PYHIN1: variants seen among roughly 807,000 people sequenced by gnomAD.
PYHIN1 encodes pyrin and HIN domain family member 1.
A neutral mutation model predicts 43.7 loss-of-function variants in PYHIN1; 32 were observed. The observed-to-expected ratio is 0.73, with a 90% CI of 0.55 to 0.98. The LOEUF (loss-of-function observed/expected upper bound fraction) is 0.98. Ranked by LOEUF, PYHIN1 falls within the 50% of genes least tolerant of loss-of-function variation. The probability of loss-of-function intolerance (pLI) is 0.00; values close to 1 mark genes in which losing one functional copy is unlikely to be tolerated. For missense variants in PYHIN1, 588 were observed against 589.5 expected, an observed-to-expected ratio of 1.00 and a Z score of 0.03; for synonymous variants, 205 against 203.1, an observed-to-expected ratio of 1.01 and a Z score of -0.08.
chr1:158,947,926 A>G (rs1475591130), intron 7 of PYHIN1, among the ~76,000 whole-genome samples: 2 of 152,248 alleles, frequency 1.3e-5, no homozygotes, highest in Non-Finnish European at 2.9e-5. Context: ...GGTAAGGATT[A>G]GGCTGCTTTC....
At position 158,939,109 on chromosome 1, in the gene PYHIN1, T is replaced by C. The variant is rs1571723020; in HGVS notation, c.441T>C (p.Thr147=). ...GAAAAAAACCATCTGAAGAAGAGAC[T>C]GGAACCAAAAGGAGTAAGATGTCCA... ...QKRKKPSEEE[T]GTKRSKMSKE... The change falls in exon 4 of 9, where the codon ACT becomes ACC. Residue 147 remains threonine, a synonymous_variant. Coordinates refer to ENST00000368140, the MANE Select transcript of PYHIN1 (RefSeq NM_152501.5). 1.2e-6 allele frequency: 2 copies of C among 1,602,626 alleles called. No individual in the cohort carries two copies. Among genetic ancestry groups the C allele is most frequent in the East Asian group, 2.2e-5 (1 of 44,812 alleles).
At chr1:158,988,323 T>A in the PYHIN1 span, among the ~76,000 whole-genome samples, 1 of 152,070 alleles carries the variant, frequency 6.6e-6, no homozygotes, top group African/African-American at 2.4e-5. Flanking sequence ...TATAATGAGT[T>A]TAAACTGGAA....
intron 8 of PYHIN1, among the ~76,000 whole-genome samples, chr1:158,974,709 T>C (rs1651147467): frequency 2.0e-5 from 3 of 152,062 alleles, no homozygotes; most frequent in Non-Finnish European, 1.5e-5. Context: ...TTGGTTTGTT[T>C]ATGTTTTTGT....
chr1:158,943,107 T>C lies in PYHIN1; in HGVS notation c.1003-683T>C, dbSNP rs531366653. Among the ~76,000 whole-genome samples the C allele has an allele frequency of 4.6e-5, 7 of 152,320 alleles. No individual in the cohort carries two copies. In the South Asian group the frequency reaches 8.3e-4, roughly 18 times the overall value. ...TCAGAAAACCATCTATACCTGGCTA[T>C]TGAGTCCAGTAATTTCTTAGATGAC... On this transcript the variant is annotated intron_variant, in intron 5 of 8. Transcript: ENST00000368140.
At chr1:158,941,108 C>T (rs1648884945) in intron 4 of PYHIN1, among the ~76,000 whole-genome samples, 1 of 152,188 alleles carries the variant, frequency 6.6e-6, no homozygotes, top group Non-Finnish European at 1.5e-5. Flanking sequence ...AAAGTCCAGT[C>T]ACTCACAGAT....
intron 7 of PYHIN1, among the ~76,000 whole-genome samples, chr1:158,967,620 G>A (rs912347140): frequency 5.3e-5 from 8 of 152,028 alleles, no homozygotes; most frequent in Admixed American, 3.3e-4. Flanking sequence ...AACCAAAAAT[G>A]AACTTGAATA....
intron 6 of PYHIN1, 80 bp from the exon 7 acceptor site, chr1:158,944,795 G>T (rs1210826923): frequency 4.1e-5 from 44 of 1,071,506 alleles, no homozygotes; most frequent in Non-Finnish European, 5.0e-5. Context: ...TTTAATAAAG[G>T]ATGATATTCT....
intron 7 of PYHIN1, among the ~76,000 whole-genome samples, chr1:158,962,823 C>T (rs1030870871): frequency 3.3e-5 from 5 of 152,126 alleles, no homozygotes; most frequent in Non-Finnish European, 7.3e-5. Flanking sequence ...GCTAAGCATA[C>T]GGTCTGCTAG....
chr1:158,961,670 T>C (rs1650326224), intron 7 of PYHIN1, among the ~76,000 whole-genome samples: 1 of 152,146 alleles, frequency 6.6e-6, no homozygotes, highest in Admixed American at 6.5e-5. Context: ...CCCATACTTC[T>C]GCCACGGACC....
At chr1:158,953,564 C>G (rs1010405697) in intron 7 of PYHIN1, among the ~76,000 whole-genome samples, 1 of 151,416 alleles carries the variant, frequency 6.6e-6, no homozygotes, top group Non-Finnish European at 1.5e-5. Flanking sequence ...GGAAAACTAA[C>G]AAACAGAAAG....
chr1:158,981,276 C>T, downstream of PYHIN1, among the ~76,000 whole-genome samples: 1 of 152,076 alleles, frequency 6.6e-6, no homozygotes, highest in Middle Eastern at 3.2e-3. Context: ...TCGAGACCAG[C>T]CTGGCCAACA....
chr1:158,959,723 C>G (rs546257063), intron 7 of PYHIN1, among the ~76,000 whole-genome samples: 28 of 152,126 alleles, frequency 1.8e-4, no homozygotes, highest in Non-Finnish European at 3.8e-4. Context: ...TTCCTAGCAC[C>G]CTTTACTTTT....
chr1:158,972,645 A>G (rs1484981260), intron 7 of PYHIN1, among the ~76,000 whole-genome samples: 5 of 151,976 alleles, frequency 3.3e-5, no homozygotes, highest in African/African-American at 4.8e-5. Flanking sequence ...TATTTTCAAC[A>G]TTCTTACTCT....
intron 5 of PYHIN1, among the ~76,000 whole-genome samples, chr1:158,943,527 G>C (rs1485802051): frequency 1.3e-5 from 2 of 152,150 alleles, no homozygotes; most frequent in African/African-American, 4.8e-5. Flanking sequence ...AGCAGTCTTG[G>C]AGGTGAAAGA....
chr1:158,985,174 G>A, the PYHIN1 span, among the ~76,000 whole-genome samples: 1 of 152,258 alleles, frequency 6.6e-6, no homozygotes, highest in South Asian at 2.1e-4. Flanking sequence ...ATATTGATAT[G>A]TAAGGATTTG....
At chr1:158,956,598 G>A (rs1242312229) in intron 7 of PYHIN1, among the ~76,000 whole-genome samples, 8 of 151,812 alleles carry the variant, frequency 5.3e-5, no homozygotes, top group East Asian at 1.9e-4. Flanking sequence ...CTGATGGGAC[G>A]TATTTCAAAA....
At chr1:158,954,061 A>T (rs531173552) in intron 7 of PYHIN1, among the ~76,000 whole-genome samples, 2 of 73,554 alleles carry the variant, frequency 2.7e-5, no homozygotes, top group East Asian at 6.9e-4. Flanking sequence ...AAAAAGAATA[A>T]AAAGAAATGA....
At chr1:158,934,213 C>G (rs1437542931) in intron 1 of PYHIN1, among the ~76,000 whole-genome samples, 1 of 152,036 alleles carries the variant, frequency 6.6e-6, no homozygotes, top group Non-Finnish European at 1.5e-5. Flanking sequence ...AAAGCAAAAG[C>G]ACTAATATTT....
the PYHIN1 span, among the ~76,000 whole-genome samples, chr1:158,988,285 G>C: frequency 6.6e-6 from 1 of 152,112 alleles, no homozygotes; most frequent in African/African-American, 2.4e-5. Context: ...TGGAAAATTG[G>C]TATCAGCTGG....
Sources: gnomAD v4.1 joint callset for allele counts (sites outside exome capture counted in the v4.1 genomes callset) on GRCh38, gnomAD v4.1.1 for gene constraint, MANE v1.5 for transcripts, NCBI Gene and HGNC (gene_info 2026-07-23, HGNC 2026-07-21) for gene names.